Variants in GNA15 observed in about 807,000 individuals in gnomAD.
GNA15 encodes the protein G protein subunit alpha 15.
Under a neutral mutation model 40.1 loss-of-function variants are expected in GNA15, and 23 were observed. The ratio of observed to expected loss-of-function variants is 0.57; its 90% CI spans 0.41 to 0.81. The LOEUF is 0.81. GNA15 is among the 40% of genes least tolerant of loss of function. GNA15 has a pLI of 0.00. For synonymous variants in GNA15, 226 were observed against 210.4 expected, an observed-to-expected ratio of 1.07 and a Z score of -0.64; for missense variants, 522 against 515.8, an observed-to-expected ratio of 1.01 and a Z score of -0.12.
chr19:3,140,136 C>T (rs942956140), intron 1 of GNA15, among the ~76,000 whole-genome samples: 10 of 150,772 alleles, frequency 6.6e-5, no homozygotes, highest in African/African-American at 2.0e-4. Context: ...CGTATCATAT[C>T]GATATGTCTT....
chr19:3,148,707 G>C lies in GNA15; in HGVS notation c.262G>C (p.Val88Leu), dbSNP rs140597256. 2.5e-6 allele frequency: 4 copies of C among 1,602,708 alleles called. No homozygotes were observed. The highest frequency in any genetic ancestry group is 3.4e-6 in the Non-Finnish European group (4 of 1,175,170). ...FRPLVYQNIF[V>L]SMRAMIEAME... ...GCCCCTGGTCTACCAGAACATCTTC[G>C]TGTCCATGCGGGCCATGATCGAGGC... is the stretch of plus-strand genomic sequence containing the variant. Residue 88 changes from valine (V) to leucine (L), a missense_variant, in exon 2 of 7, where the codon GTG becomes CTG. Val to Leu is a conservative substitution (Grantham distance 32). Transcript: ENST00000262958.
At chr19:3,157,290 C>T (rs767325237) in intron 5 of GNA15, among the ~76,000 whole-genome samples, 77 of 152,184 alleles carry the variant, frequency 5.1e-4, no homozygotes, top group Non-Finnish European at 7.8e-4. Context: ...TGAGCTGCCG[C>T]GCCCGGCCAG....
rs1387493968 is a variant in GNA15, at chr19:3,148,640, C to A, written c.195C>A (p.Ile65=). 2 of 1,588,348 alleles carry A rather than the reference C, an allele frequency of 1.3e-6. No homozygotes were observed. Among genetic ancestry groups the A allele is most frequent in the Admixed American group, 1.8e-5 (1 of 56,318 alleles). ...KSTFIKQMRI[I]HGAGYSEEER... is the part of the protein sequence containing the mutation. ...CCTTCATCAAGCAGATGCGGATCAT[C>A]CACGGCGCCGGCTACTCGGAGGAGG... Residue 65 remains isoleucine (I), a synonymous_variant, in exon 2 of 7, where the codon ATC becomes ATA. Coordinates refer to ENST00000262958, the MANE Select transcript of GNA15 (RefSeq NM_002068.4).
intron 1 of GNA15, among the ~76,000 whole-genome samples, chr19:3,138,780 G>A (rs1338437397): frequency 2.8e-5 from 4 of 145,178 alleles, no homozygotes; most frequent in African/African-American, 5.1e-5. Flanking sequence ...ATAGGCACGC[G>A]CCACCACGCC....
Position 3,148,739 on chromosome 19 carries a change from G to A in GNA15, c.294G>A (p.Glu98=). The part of the protein sequence containing the change: ...VSMRAMIEAM[E]RLQIPFSRPE... ...TGCGGGCCATGATCGAGGCCATGGA[G>A]CGGCTGCAGATTCCATTCAGCAGGC... Residue 98 remains glutamate, a synonymous_variant, in exon 2 of 7, where the codon GAG becomes GAA. Transcript: ENST00000262958. The A allele has an allele frequency of 1.2e-6, 2 of 1,603,478 alleles. No homozygotes were observed. Among genetic ancestry groups the A allele is most frequent in the Non-Finnish European group, 1.7e-6 (2 of 1,175,606 alleles).
At chr19:3,137,756 T>C (rs1196021563) in intron 1 of GNA15, among the ~76,000 whole-genome samples, 2 of 151,824 alleles carry the variant, frequency 1.3e-5, no homozygotes, top group Non-Finnish European at 2.9e-5. Context: ...CACTCCAGAC[T>C]GGCGACAGAG....
chr19:3,157,541 C>G (rs1179184941), intron 5 of GNA15, among the ~76,000 whole-genome samples, 187 bp from the exon 6 acceptor site: 2 of 152,172 alleles, frequency 1.3e-5, no homozygotes, highest in Non-Finnish European at 2.9e-5. Flanking sequence ...AGCACAGGCA[C>G]AAAACCATGT....
In GNA15 at chr19:3,136,626, TG is replaced by T; in HGVS notation, c.145+34del. 7.4e-7 allele frequency: 1 copy of T among 1,352,082 alleles called. No homozygotes were observed. 83.8% of individuals were successfully genotyped at this position (1,352,082 alleles called of 1,614,324 possible). On this transcript the variant is annotated intron_variant, in intron 1 of 6. Coordinates refer to ENST00000262958, the MANE Select transcript of GNA15 (RefSeq NM_002068.4). The surrounding 1 kb of genome is among the most constrained non-coding windows in gnomAD (Gnocchi z 4.9). ...TCCAGGGTCGGTGGGCGGTGGGTGG[TG>T]GGCAGTGGGCGGTGGCCAGCCGGCA...
In GNA15 at chr19:3,151,747, G is replaced by A. The variant is rs201355990; in HGVS notation, c.526G>A (p.Val176Ile). 9.9e-6 allele frequency: 16 copies of A among 1,610,780 alleles called. No homozygotes were observed. In the Admixed American group the frequency reaches 1.2e-4, roughly 12 times the overall value. ...HLERITEEGY[V>I]PTAQDVLRSR... ...GGAGCGCATCACCGAGGAGGGCTAC[G>A]TCCCCACAGCTCAGGACGTGCTCCG... is the stretch of plus-strand genomic sequence containing the variant. Residue 176 changes from valine (V) to isoleucine (I), a missense_variant, in exon 4 of 7, where the codon GTC becomes ATC. Transcript: ENST00000262958. The surrounding 1 kb of genome is among the most constrained non-coding windows in gnomAD (Gnocchi z 5.0).
chr19:3,161,468 T>G (rs116320843), intron 6 of GNA15, among the ~76,000 whole-genome samples: 2,084 of 152,222 alleles, frequency 0.014, 59 homozygotes, highest in African/African-American at 0.047. Flanking sequence ...TCCCTGGTCT[T>G]GTCATGTCTC....
At chr19:3,142,198 C>T (rs531569460) in intron 1 of GNA15, 4 of 152,242 alleles carry the variant, frequency 2.6e-5, no homozygotes, top group East Asian at 1.9e-4. Flanking sequence ...GTCTGGGCCG[C>T]ATGGCCTTTG....
chr19:3,136,744 C>A lies in GNA15; in HGVS notation c.145+149C>A. 1 of 748,620 alleles carries A rather than the reference C, an allele frequency of 1.3e-6. No individual in the cohort carries two copies. The highest frequency in any genetic ancestry group is 2.1e-6 in the Non-Finnish European group (1 of 472,730). 46.4% of individuals were successfully genotyped at this position (748,620 alleles called of 1,614,324 possible). On this transcript the variant is annotated intron_variant, in intron 1 of 6. Transcript: ENST00000262958. This position sits in a 1 kb window ranked among gnomAD's most constrained non-coding sequence, Gnocchi z 4.9. ...TCCCAGGGAATGGGGAGCCTGGAAC[C>A]CATTTTCCAGATGAGAAAGACTGAG...
intron 6 of GNA15, among the ~76,000 whole-genome samples, chr19:3,159,322 T>C (rs11880735): frequency 0.57 from 84,592 of 147,670 alleles, 24,852 homozygotes; most frequent in Non-Finnish European, 0.66. Context: ...TCGTGCCCAG[T>C]CTATTTTTTC....
chr19:3,147,430 G>C (rs1452172931), intron 1 of GNA15, among the ~76,000 whole-genome samples: 1 of 151,830 alleles, frequency 6.6e-6, no homozygotes, highest in Non-Finnish European at 1.5e-5. Context: ...GCACGCGCCT[G>C]TTACCCCAGC....
At chr19:3,150,513 T>G (rs1025391332) in intron 3 of GNA15, among the ~76,000 whole-genome samples, 2 of 151,076 alleles carry the variant, frequency 1.3e-5, no homozygotes, top group African/African-American at 4.9e-5. Context: ...TGTTCCTGGG[T>G]GGACCCTGTT....
chr19:3,148,479 G>T, intron 1 of GNA15, 112 bp from the exon 2 acceptor site: 1 of 1,040,942 alleles, frequency 9.6e-7, no homozygotes, highest in East Asian at 2.6e-5. Context: ...GCTGCACCGG[G>T]GTTTGAACCC....
At chr19:3,150,017 A>C in intron 2 of GNA15, 114 bp from the exon 3 acceptor site, 1 of 815,566 alleles carries the variant, frequency 1.2e-6, no homozygotes, top group South Asian at 1.7e-5. Flanking sequence ...GAAGAAGGAG[A>C]GCAGTGGGAA....
Position 3,163,073 on chromosome 19 carries a change from G to A in GNA15, c.*54G>A, listed in dbSNP as rs1915177770. 1 of 1,142,122 alleles carries A rather than the reference G, an allele frequency of 8.8e-7. No individual in the cohort carries two copies. The highest frequency in any genetic ancestry group is 1.3e-6 in the Non-Finnish European group (1 of 755,884). The allele number at this position is 1,142,122 out of a possible 1,614,324, so 70.7% of individuals were successfully genotyped here. A position where few individuals can be genotyped will look rare whatever the true frequency, so the allele number is the denominator to read the frequency against. On this transcript the variant is annotated 3_prime_UTR_variant, in exon 7 of 7. Transcript: ENST00000262958. ...CGGCGGGCGGGTGGGAGGTGGGAGT[G>A]GCTGCAGGGACCCCTAGTGTCCCTG...
rs145761756 is a variant in GNA15, at chr19:3,156,976, AAC to A, written c.745-748_745-747del. 9.4e-3 allele frequency among the ~76,000 whole-genome samples: 1,431 copies of A among 152,090 alleles called. 30 individuals carry two copies. Among genetic ancestry groups the A allele is most frequent in the African/African-American group, 0.033 (1,380 of 41,476 alleles). ...TTTGGGGAAATATGATGTACCCCAT[AAC>A]ACAAGGCATTTGAGACCTTATTGTA... On this transcript the variant is annotated intron_variant, in intron 5 of 6. Coordinates refer to ENST00000262958, the MANE Select transcript of GNA15 (RefSeq NM_002068.4).
Sources: gnomAD v4.1 joint callset for allele counts (sites outside exome capture counted in the v4.1 genomes callset) on GRCh38, gnomAD v4.1.1 for gene constraint, Gnocchi (gnomAD v3.1) non-coding constraint, MANE v1.5 for transcripts, NCBI Gene and HGNC (gene_info 2026-07-23, HGNC 2026-07-21) for gene names.